Variants in CBLN2 observed in about 807,000 individuals in gnomAD.
The protein encoded by CBLN2 is cerebellin 2 precursor, also known as cerebellin-2.
CBLN2 carries 7 observed loss-of-function variants against 15.0 expected under a neutral mutation model. That is an observed-to-expected ratio of 0.47 (90% CI 0.27 to 0.88). CBLN2 has a LOEUF of 0.88. Among genes scored for constraint, CBLN2 ranks in the 40% least tolerant of loss-of-function variants. The probability of loss-of-function intolerance (pLI) is 0.14; values close to 1 mark genes in which losing one functional copy is unlikely to be tolerated. For synonymous variants in CBLN2, 149 were observed against 135.2 expected, an observed-to-expected ratio of 1.10 and a Z score of -0.71; for missense variants, 242 against 304.5, an observed-to-expected ratio of 0.79 and a Z score of 1.53.
intron 1 of CBLN2, among the ~76,000 whole-genome samples, chr18:72,632,823 C>T (rs911287053): frequency 2.0e-5 from 3 of 152,180 alleles, no homozygotes; most frequent in Non-Finnish European, 2.9e-5. Context: ...TGACTGGTAT[C>T]CAGAGAACCC....
intron 1 of CBLN2, among the ~76,000 whole-genome samples, chr18:72,631,643 G>A (rs770753916): frequency 1.3e-5 from 2 of 152,002 alleles, no homozygotes; most frequent in Non-Finnish European, 2.9e-5. Flanking sequence ...GCAAATCTGG[G>A]GATAGAAGTC....
chr18:72,602,922 C>T (rs978008980), intron 1 of CBLN2, among the ~76,000 whole-genome samples: 1 of 152,308 alleles, frequency 6.6e-6, no homozygotes, highest in African/African-American at 2.4e-5. Context: ...TGGTTGAACC[C>T]TACCTGATTC....
intron 1 of CBLN2, among the ~76,000 whole-genome samples, chr18:72,582,801 A>G (rs1322299652): frequency 6.6e-6 from 1 of 152,230 alleles, no homozygotes; most frequent in East Asian, 1.9e-4. Flanking sequence ...CAGTGGAAAC[A>G]TGAGACCTAG....
Position 72,537,539 on chromosome 18 carries a change from C to T in CBLN2, c.*637G>A, listed in dbSNP as rs2069073282. ...AAAAGTAAAGCTTTTCAAGAAAAAA[C>T]ACAAACAATACAAAACAAAAATTGC... is the stretch of plus-strand genomic sequence containing the variant. On this transcript the variant is annotated 3_prime_UTR_variant, in exon 5 of 5. Transcript: ENST00000269503. 6.6e-6 allele frequency: 1 copy of T among 152,550 alleles called. No homozygotes were observed. Among genetic ancestry groups the T allele is most frequent in the Non-Finnish European group, 1.5e-5 (1 of 68,026 alleles). 9.4% of individuals were successfully genotyped at this position (152,550 alleles called of 1,614,324 possible). A position where few individuals can be genotyped will look rare whatever the true frequency, so the allele number is the denominator to read the frequency against.
At chr18:72,558,404 C>T (rs1021926529) in intron 1 of CBLN2, among the ~76,000 whole-genome samples, 17 of 152,312 alleles carry the variant, frequency 1.1e-4, no homozygotes, top group African/African-American at 3.1e-4. Flanking sequence ...CTGTTTGATG[C>T]GCCTTTTCCC....
chr18:72,638,044 G>A (rs1024150460), intron 1 of CBLN2, among the ~76,000 whole-genome samples: 2 of 152,168 alleles, frequency 1.3e-5, no homozygotes, highest in African/African-American at 4.8e-5. Flanking sequence ...GAAATCGCAG[G>A]TTTAGAGTGA....
At chr18:72,558,861 C>T (rs1036717413) in intron 1 of CBLN2, among the ~76,000 whole-genome samples, 2 of 152,096 alleles carry the variant, frequency 1.3e-5, no homozygotes, top group Admixed American at 6.5e-5. Flanking sequence ...CAAGACCAAC[C>T]TGGCCAACAT....
intron 1 of CBLN2, among the ~76,000 whole-genome samples, chr18:72,633,040 A>G (rs1450964092): frequency 6.6e-6 from 1 of 152,192 alleles, no homozygotes; most frequent in Non-Finnish European, 1.5e-5. Context: ...TAAATGAAAA[A>G]GTCGCTTCGA....
At position 72,544,200 on chromosome 18, in the gene CBLN2, A is replaced by C. The variant is rs2069140501; in HGVS notation, c.-435T>G. 6.6e-6 allele frequency: 1 copy of C among 150,686 alleles called. No homozygotes were observed. The highest frequency in any genetic ancestry group is 2.1e-4 in the South Asian group (1 of 4,798). 9.3% of individuals were successfully genotyped at this position (150,686 alleles called of 1,614,324 possible). A position where few individuals can be genotyped will look rare whatever the true frequency, so the allele number is the denominator to read the frequency against. ...GAAGACTGGGATGGCTGGGACGAAG[A>C]GAGGGAAAAAAAAAGCTTGAGAATT... On this transcript the variant is annotated 5_prime_UTR_variant, in exon 1 of 5. Transcript: ENST00000269503.
chr18:72,598,122 C>T (rs2069524983), intron 1 of CBLN2, among the ~76,000 whole-genome samples: 1 of 152,148 alleles, frequency 6.6e-6, no homozygotes, highest in Admixed American at 6.5e-5. Context: ...AGTCTTTCCC[C>T]ATAACCACCA....
intron 1 of CBLN2, chr18:72,625,149 A>G (rs951391881): frequency 6.6e-6 from 1 of 152,066 alleles, no homozygotes; most frequent in South Asian, 2.1e-4. Context: ...TCATATAGAG[A>G]GCTTACCTCA....
At chr18:72,549,112 A>G (rs1488728961), upstream of CBLN2, among the ~76,000 whole-genome samples, 2 of 152,122 alleles carry the variant, frequency 1.3e-5, no homozygotes, top group Non-Finnish European at 2.9e-5. Flanking sequence ...TCTGGATTCA[A>G]CAGATTCTCC....
chr18:72,580,998 C>T (rs1291360916), intron 1 of CBLN2, among the ~76,000 whole-genome samples: 1 of 152,170 alleles, frequency 6.6e-6, no homozygotes, highest in East Asian at 1.9e-4. Flanking sequence ...CCCTCCCACC[C>T]TTGATATCTG....
At chr18:72,598,243 G>A (rs1342069562) in intron 1 of CBLN2, among the ~76,000 whole-genome samples, 2 of 152,100 alleles carry the variant, frequency 1.3e-5, no homozygotes. Context: ...GGACCCAAGG[G>A]CTCTTTAGTC....
At chr18:72,622,352 C>T (rs1463553010) in intron 1 of CBLN2, among the ~76,000 whole-genome samples, 1 of 151,766 alleles carries the variant, frequency 6.6e-6, no homozygotes, top group Non-Finnish European at 1.5e-5. Flanking sequence ...TAATCAGATG[C>T]AACTAGATAC....
chr18:72,579,968 T>C (rs1479853418), intron 1 of CBLN2, among the ~76,000 whole-genome samples: 2 of 152,080 alleles, frequency 1.3e-5, no homozygotes, highest in African/African-American at 2.4e-5. Context: ...AAATAAAGTA[T>C]TTTGAAATTT....
intron 1 of CBLN2, among the ~76,000 whole-genome samples, chr18:72,609,783 G>A (rs1187100320): frequency 1.3e-5 from 2 of 152,228 alleles, no homozygotes; most frequent in Non-Finnish European, 2.9e-5. Context: ...AACTTCAGAA[G>A]TGCCTACTTC....
chr18:72,538,233 G>A lies in CBLN2; in HGVS notation c.618C>T (p.Asn206=), dbSNP rs745996414. ...TGGAGTATTTCCAGCCCCCCATGAG[G>A]TTGCCTCTCTCAAGTTTGAGATGCA... ...DKVHLKLERG[N]LMGGWKYSTF... The change falls in exon 5 of 5, where the codon AAC becomes AAT. Residue 206 remains asparagine (N), a synonymous_variant. Transcript: ENST00000269503. 1.7e-5 allele frequency: 28 copies of A among 1,613,902 alleles called. No individual in the cohort carries two copies. Among genetic ancestry groups the A allele is most frequent in the Non-Finnish European group, 1.4e-5 (17 of 1,180,028 alleles).
intron 1 of CBLN2, among the ~76,000 whole-genome samples, chr18:72,624,677 T>C (rs180923169): frequency 5.6e-4 from 85 of 152,268 alleles, no homozygotes; most frequent in Non-Finnish European, 6.5e-4. Context: ...ATTATCTTTT[T>C]CATTCCTGTC....
Sources: gnomAD v4.1 joint callset for allele counts (sites outside exome capture counted in the v4.1 genomes callset) on GRCh38, gnomAD v4.1.1 for gene constraint, MANE v1.5 for transcripts, NCBI Gene and HGNC (gene_info 2026-07-23, HGNC 2026-07-21) for gene names.